PHACTR1: variants seen among roughly 807,000 people sequenced by gnomAD.
PHACTR1 encodes RPEL repeat containing 1.
A neutral mutation model predicts 69.2 loss-of-function variants in PHACTR1; 16 were observed. The observed-to-expected ratio is 0.23, with a 90% CI of 0.16 to 0.35. The LOEUF (loss-of-function observed/expected upper bound fraction) is 0.35, where lower values mean the gene tolerates loss of function less well. Among genes scored for constraint, PHACTR1 ranks in the 10% least tolerant of loss-of-function variants. PHACTR1 has a pLI of 1.00. For synonymous variants in PHACTR1, 312 were observed against 284.5 expected (o/e 1.10, Z -0.97); for missense variants, 510 against 734.7 (o/e 0.69, Z 3.54).
rs1459761759 is a variant in PHACTR1 at position 13,071,233 on chromosome 6, C to G, written c.415+17704C>G. Among the ~76,000 whole-genome samples the G allele has an allele frequency of 2.0e-5, 3 of 151,974 alleles. No individual in the cohort carries two copies. The East Asian group carries it at 5.8e-4, about 29-fold the overall frequency. The stretch of plus-strand genomic sequence containing the variant: ...CCTGAGGTCAGGAGTTCGAGACCAG[C>G]CTGACCAATATGGTAAAACCCCATC... On this transcript the variant is annotated intron_variant, in intron 5 of 14. Coordinates refer to ENST00000332995, the MANE Select transcript of PHACTR1 (RefSeq NM_030948.6).
intron 7 of PHACTR1, among the ~76,000 whole-genome samples, chr6:13,202,372 C>T (rs148824413): frequency 9.7e-4 from 147 of 152,164 alleles, no homozygotes; most frequent in African/African-American, 3.2e-3. Flanking sequence ...TGAGCACCTA[C>T]TTGCCTTAGA....
At chr6:13,150,452 G>A (rs1824129636) in intron 5 of PHACTR1, among the ~76,000 whole-genome samples, 1 of 152,080 alleles carries the variant, frequency 6.6e-6, no homozygotes, top group Non-Finnish European at 1.5e-5. Context: ...TAATAACTGG[G>A]TTACTGGCAA....
rs376199222 is a variant in PHACTR1 at position 13,257,403 on chromosome 6, CTAACTTCA to C, written c.1392-15454_1392-15447del. Among the ~76,000 whole-genome samples the C allele has an allele frequency of 4.2e-3, 638 of 152,336 alleles. 7 individuals carry two copies. Among genetic ancestry groups the C allele is most frequent in the African/African-American group, 0.015 (608 of 41,570 alleles). On this transcript the variant is annotated intron_variant, in intron 10 of 14. Coordinates refer to ENST00000332995, the MANE Select transcript of PHACTR1 (RefSeq NM_030948.6). ...ACACAGATCCAAACCATATCAATCC[CTAACTTCA>C]TAGAGTTTTATTATACATCATAATC...
intron 7 of PHACTR1, among the ~76,000 whole-genome samples, chr6:13,199,122 T>G (rs1254616254): frequency 1.3e-5 from 2 of 152,166 alleles, no homozygotes; most frequent in Non-Finnish European, 2.9e-5. Flanking sequence ...GAGCAGTGGC[T>G]CACACCTGTA....
chr6:13,238,551 G>T (rs1172586481), intron 10 of PHACTR1, among the ~76,000 whole-genome samples: 3 of 152,190 alleles, frequency 2.0e-5, no homozygotes, highest in Non-Finnish European at 2.9e-5. Context: ...ATTATGCGCT[G>T]CTTTAAATCA....
chr6:13,107,468 T>A (rs1429979668), intron 5 of PHACTR1, among the ~76,000 whole-genome samples: 2 of 152,352 alleles, frequency 1.3e-5, no homozygotes, highest in Non-Finnish European at 2.9e-5. Context: ...TATTCTTTAA[T>A]GTAGAATTCA....
chr6:13,173,836 T>C (rs554603684), intron 6 of PHACTR1, among the ~76,000 whole-genome samples: 1 of 152,310 alleles, frequency 6.6e-6, no homozygotes, highest in African/African-American at 2.4e-5. Context: ...AGCTCCCAAG[T>C]AGCTGGGATT....
chr6:12,890,235 C>T (rs575884189), intron 4 of PHACTR1, among the ~76,000 whole-genome samples: 5 of 152,146 alleles, frequency 3.3e-5, no homozygotes, highest in South Asian at 2.1e-4. Context: ...AGTTTCATGC[C>T]GAAAACATCC....
intron 4 of PHACTR1, among the ~76,000 whole-genome samples, chr6:12,829,890 G>A (rs573697586): frequency 1.2e-4 from 18 of 150,446 alleles, no homozygotes; most frequent in South Asian, 4.2e-4. Context: ...CCCAGGAGGC[G>A]GAGGTTGCAG....
At chr6:13,123,188 G>A (rs1306604333) in intron 5 of PHACTR1, among the ~76,000 whole-genome samples, 1 of 152,228 alleles carries the variant, frequency 6.6e-6, no homozygotes, top group East Asian at 1.9e-4. Context: ...CCTGTATCCA[G>A]CTCCTGGGTG....
At chr6:13,218,836 G>T (rs1045924089) in intron 8 of PHACTR1, among the ~76,000 whole-genome samples, 2 of 148,014 alleles carry the variant, frequency 1.4e-5, no homozygotes, top group African/African-American at 5.0e-5. Context: ...GAGAAAAAGA[G>T]GAGGAGGAGG....
At position 12,990,503 on chromosome 6, in the gene PHACTR1, T is replaced by C. The variant is rs1796698384; in HGVS notation, c.251-62862T>C. Among the ~76,000 whole-genome samples, 3 of 152,216 alleles carry C rather than the reference T, an allele frequency of 2.0e-5. No homozygotes were observed. In the South Asian group the frequency reaches 6.2e-4, roughly 32 times the overall value. On this transcript the variant is annotated intron_variant, in intron 4 of 14. Transcript: ENST00000332995. Reference sequence around the variant, plus strand: ...CCCTCACAAGAGGGAGCACACAGGATAGTGGGTGCCAGGGCCGGGCCAAGC... The same window carrying C: ...CCCTCACAAGAGGGAGCACACAGGACAGTGGGTGCCAGGGCCGGGCCAAGC...
rs752335822 is a variant in PHACTR1 at position 13,080,732 on chromosome 6, TC to T, written c.415+27204del. 7.2e-5 allele frequency among the ~76,000 whole-genome samples: 11 copies of T among 151,980 alleles called. No homozygotes were observed. The East Asian group carries it at 1.9e-3, about 27-fold the overall frequency. The stretch of plus-strand genomic sequence containing the variant: ...TTGTCCTTGAGGATAATGAATGATA[TC>T]ACAAGAAGGAAAATATAAAAAGAAA... On this transcript the variant is annotated intron_variant, in intron 5 of 14. Transcript: ENST00000332995.
intron 4 of PHACTR1, among the ~76,000 whole-genome samples, chr6:12,792,482 A>G (rs1450008067): frequency 1.3e-5 from 2 of 148,574 alleles, no homozygotes; most frequent in Non-Finnish European, 3.0e-5. Context: ...AAAAAAAAAA[A>G]AAAAAAAAAA....
intron 6 of PHACTR1, among the ~76,000 whole-genome samples, chr6:13,166,711 A>G (rs1221391611): frequency 1.3e-5 from 2 of 152,112 alleles, no homozygotes; most frequent in Non-Finnish European, 2.9e-5. Flanking sequence ...GTGGTATGGG[A>G]AAAATATAGC....
intron 4 of PHACTR1, among the ~76,000 whole-genome samples, chr6:12,962,231 C>A (rs1312726843): frequency 6.6e-6 from 1 of 152,114 alleles, no homozygotes; most frequent in Non-Finnish European, 1.5e-5. Flanking sequence ...TGGCCCTAAT[C>A]TCTTCTATAA....
intron 4 of PHACTR1, among the ~76,000 whole-genome samples, chr6:12,994,669 C>T (rs553682288): frequency 9.9e-5 from 15 of 152,150 alleles, no homozygotes; most frequent in African/African-American, 3.6e-4. Flanking sequence ...CTTAAGAGCG[C>T]TCAGTCTGCT....
intron 6 of PHACTR1, among the ~76,000 whole-genome samples, chr6:13,178,375 A>G (rs754326164): frequency 6.6e-6 from 1 of 152,168 alleles, no homozygotes; most frequent in Non-Finnish European, 1.5e-5. Context: ...ACGAGGCACA[A>G]TTACACTGCA....
chr6:12,998,181 T>C (rs1797658631), intron 4 of PHACTR1, among the ~76,000 whole-genome samples: 1 of 152,172 alleles, frequency 6.6e-6, no homozygotes, highest in East Asian at 1.9e-4. Context: ...AAAAAATAAA[T>C]TGGCTTCCTG....
Sources: allele counts gnomAD v4.1 joint callset (sites outside exome capture counted in the v4.1 genomes callset), GRCh38; gene constraint gnomAD v4.1.1; transcripts MANE v1.5; gene names NCBI Gene and HGNC (gene_info 2026-07-23, HGNC 2026-07-21).